The following NRG1 variants were observed in gnomAD, a reference collection of about 807,000 sequenced individuals.
NRG1 encodes pro-neuregulin-1, membrane-bound isoform.
In NRG1, 18 loss-of-function variants were observed where a neutral mutation model predicts 63.8. That is an observed-to-expected ratio of 0.28 (90% confidence interval 0.19 to 0.42). The LOEUF is 0.42. NRG1 is among the 10% of genes least tolerant of loss of function. The pLI is 1.00. For synonymous variants in NRG1, 302 were observed against 301.3 expected, an observed-to-expected ratio of 1.00 and a Z score of -0.02; for missense variants, 762 against 814.7, an observed-to-expected ratio of 0.94 and a Z score of 0.79.
intron 1 of NRG1, among the ~76,000 whole-genome samples, chr8:32,153,572 A>T (rs997121298): frequency 6.6e-6 from 1 of 152,182 alleles, no homozygotes; most frequent in African/African-American, 2.4e-5. Context: ...GATGATAGAA[A>T]ATTAGTCTAT....
rs936621229 is a variant in NRG1 at position 32,378,433 on chromosome 8, G to A, written c.38-217395G>A. On this transcript the variant is annotated intron_variant, in intron 1 of 10. Coordinates refer to the NRG1 transcript ENST00000519301. The stretch of plus-strand genomic sequence containing the variant: ...GGTAGGTACTTAATTCTACCTAAAA[G>A]CAATAATACAGGATTAGGATAGAAG... Among the ~76,000 whole-genome samples, 4 of 151,994 alleles carry A rather than the reference G, an allele frequency of 2.6e-5. No homozygotes were observed. The South Asian group carries it at 8.3e-4, about 32-fold the overall frequency.
intron 1 of NRG1, among the ~76,000 whole-genome samples, chr8:32,029,147 G>T (rs891670197): frequency 4.6e-5 from 7 of 152,092 alleles, no homozygotes; most frequent in Admixed American, 3.9e-4. Context: ...AGTATTATTT[G>T]CGTACCTCAT....
At chr8:32,422,349 A>G (rs1816796359) in intron 1 of NRG1, among the ~76,000 whole-genome samples, 1 of 152,184 alleles carries the variant, frequency 6.6e-6, no homozygotes, top group Non-Finnish European at 1.5e-5. Flanking sequence ...AAATAATATC[A>G]TTGATAGTTT....
chr8:32,117,732 A>G (rs1045223166), intron 1 of NRG1, among the ~76,000 whole-genome samples: 2 of 152,152 alleles, frequency 1.3e-5, no homozygotes, highest in Non-Finnish European at 2.9e-5. Flanking sequence ...TGCCACACAC[A>G]TATGTATAAG....
chr8:32,022,169 T>C (rs1816556881), intron 1 of NRG1, among the ~76,000 whole-genome samples: 1 of 152,334 alleles, frequency 6.6e-6, no homozygotes, highest in South Asian at 2.1e-4. Context: ...TTAAGTCCTC[T>C]ATGCAAAGGG....
At chr8:32,469,726 G>T (rs1349145045) in intron 1 of NRG1, among the ~76,000 whole-genome samples, 1 of 152,208 alleles carries the variant, frequency 6.6e-6, no homozygotes, top group Admixed American at 6.5e-5. Flanking sequence ...ATCTTCAAGG[G>T]AAAGAGGATG....
chr8:32,254,762 G>C (rs1849494363), intron 1 of NRG1, among the ~76,000 whole-genome samples: 1 of 152,192 alleles, frequency 6.6e-6, no homozygotes, highest in Admixed American at 6.5e-5. Flanking sequence ...GTCTAATGTT[G>C]ACAGTCAGGT....
intron 1 of NRG1, among the ~76,000 whole-genome samples, chr8:32,317,035 G>C (rs28707016): frequency 0.028 from 4,270 of 152,214 alleles, 212 homozygotes; most frequent in African/African-American, 0.097. Flanking sequence ...ATTATATATT[G>C]TTTGTCCAAA....
At position 32,132,904 on chromosome 8, in the gene NRG1, G is replaced by A. The variant is rs115655464; in HGVS notation, c.38-462924G>A. ...GGCTTATAATACTGTCAGATTCTGC[G>A]GTATATAAATGAGAAATAGACACTT... On this transcript the variant is annotated intron_variant, in intron 1 of 10. Coordinates refer to the NRG1 transcript ENST00000519301. Among the ~76,000 whole-genome samples, 1,441 of 152,070 alleles carry A rather than the reference G, an allele frequency of 9.5e-3. 22 individuals carry two copies. The highest frequency in any genetic ancestry group is 0.031 in the African/African-American group (1,279 of 41,492).
intron 5 of NRG1, among the ~76,000 whole-genome samples, chr8:32,689,454 T>G (rs1180193802): frequency 6.6e-6 from 1 of 152,184 alleles, no homozygotes; most frequent in Non-Finnish European, 1.5e-5. Context: ...AATAAACGGC[T>G]GTTTGTTGTT....
At chr8:32,189,844 T>C (rs1842317119) in intron 1 of NRG1, among the ~76,000 whole-genome samples, 2 of 152,204 alleles carry the variant, frequency 1.3e-5, no homozygotes, top group Admixed American at 6.5e-5. Flanking sequence ...ACTGGAGTTT[T>C]CATTAGTGCT....
At chr8:31,884,554 C>T (rs1216594793) in intron 1 of NRG1, among the ~76,000 whole-genome samples, 1 of 152,086 alleles carries the variant, frequency 6.6e-6, no homozygotes, top group Non-Finnish European at 1.5e-5. Context: ...TGACCACTCC[C>T]TTTTTGCCTT....
intron 1 of NRG1, among the ~76,000 whole-genome samples, chr8:32,051,448 A>G (rs1034307289): frequency 6.6e-6 from 1 of 152,212 alleles, no homozygotes. Context: ...TACTTTGACT[A>G]TCTGTCATTT....
At chr8:32,364,957 C>T (rs1807745887) in intron 1 of NRG1, among the ~76,000 whole-genome samples, 9 of 108,432 alleles carry the variant, frequency 8.3e-5, no homozygotes, top group Admixed American at 3.2e-4. Context: ...CCCTTTACTA[C>T]TTTTTTTTTT....
chr8:32,588,173 C>T (rs1200012468), intron 1 of NRG1, among the ~76,000 whole-genome samples: 4 of 152,128 alleles, frequency 2.6e-5, no homozygotes, highest in Admixed American at 6.6e-5. Context: ...CCATCTGCCT[C>T]GGCCTCCCAA....
chr8:32,187,247 G>T (rs1208172124), intron 1 of NRG1, among the ~76,000 whole-genome samples: 1 of 152,152 alleles, frequency 6.6e-6, no homozygotes, highest in Non-Finnish European at 1.5e-5. Context: ...AGGGTTAAAA[G>T]TGGGCGCATT....
chr8:31,817,317 A>G (rs2129602511), intron 1 of NRG1, among the ~76,000 whole-genome samples: 1 of 152,322 alleles, frequency 6.6e-6, no homozygotes, highest in Non-Finnish European at 1.5e-5. Context: ...GGCTCCCTGG[A>G]CCAGGCTTAG....
At position 31,933,241 on chromosome 8, in the gene NRG1, T is replaced by C. The variant is rs1371478760; in HGVS notation, c.37+293810T>C. On this transcript the variant is annotated intron_variant, in intron 1 of 10. Transcript: ENST00000519301. ...AATGCTTTATGTATATTAACTCATT[T>C]GGTCCCCACAATAACCCTGATGGAT... 2.6e-5 allele frequency among the ~76,000 whole-genome samples: 4 copies of C among 152,142 alleles called. No homozygotes were observed. In the South Asian group the frequency reaches 8.3e-4, roughly 32 times the overall value.
At chr8:32,625,800 T>C (rs1452032888) in intron 5 of NRG1, among the ~76,000 whole-genome samples, 1 of 149,402 alleles carries the variant, frequency 6.7e-6, no homozygotes, top group African/African-American at 2.5e-5. Flanking sequence ...TTTTTCTTTT[T>C]TTTTTTTTTC....
Sources: allele counts gnomAD v4.1 joint callset (sites outside exome capture counted in the v4.1 genomes callset), GRCh38; gene constraint gnomAD v4.1.1; transcripts MANE v1.5; gene names NCBI Gene and HGNC (gene_info 2026-07-23, HGNC 2026-07-21).